Variants in IGSF3 observed in about 807,000 individuals in gnomAD.
IGSF3 encodes glu-Trp-Ile EWI motif-containing protein 3.
IGSF3 carries 23 observed loss-of-function variants against 114.4 expected under a neutral mutation model. The ratio of observed to expected loss-of-function variants is 0.20; its 90% CI spans 0.14 to 0.28. IGSF3 has a LOEUF of 0.28. Among genes scored for constraint, IGSF3 ranks in the 10% least tolerant of loss-of-function variants. IGSF3 has a pLI of 1.00. For synonymous variants in IGSF3, 571 were observed against 645.2 expected, an observed-to-expected ratio of 0.88 and a Z score of 1.74; for missense variants, 1,172 against 1,591.5, an observed-to-expected ratio of 0.74 and a Z score of 4.48.
At chr1:116,640,592 A>T (rs187690808) in intron 2 of IGSF3, among the ~76,000 whole-genome samples, 7 of 152,288 alleles carry the variant, frequency 4.6e-5, no homozygotes, top group African/African-American at 1.7e-4. Context: ...TTTGAGGGTA[A>T]TCCTTGTTGA....
chr1:116,606,432 A>T (rs540598516), intron 5 of IGSF3: 9 of 1,610,982 alleles, frequency 5.6e-6, no homozygotes, highest in Non-Finnish European at 7.6e-6. Flanking sequence ...AAGCGCCATT[A>T]AAATCCAAGG....
intron 4 of IGSF3, among the ~76,000 whole-genome samples, chr1:116,613,544 A>G (rs1360714175): frequency 3.9e-5 from 6 of 152,212 alleles, no homozygotes; most frequent in Non-Finnish European, 7.3e-5. Flanking sequence ...TCTAAGCAGG[A>G]CTCAGTCTGT....
At position 116,631,199 on chromosome 1, in the gene IGSF3, T is replaced by C. The variant is rs547215204; in HGVS notation, c.44-14742A>G. Among the ~76,000 whole-genome samples the C allele has an allele frequency of 2.7e-3, 388 of 144,174 alleles. 2 individuals carry two copies. The highest frequency in any genetic ancestry group is 9.0e-3 in the African/African-American group (363 of 40,354). The allele number at this position is 144,174 out of a possible 152,430, so 94.6% of individuals were successfully genotyped here. On this transcript the variant is annotated intron_variant, in intron 2 of 10. Coordinates refer to ENST00000369486, the MANE Select transcript of IGSF3 (RefSeq NM_001007237.3). Reference sequence around the variant, plus strand: ...CGGGAGCGGTGGCGGGCTCCTGTAGTCCCAGCTACTTGAGAGGCTGAGGCA... The same window carrying C: ...CGGGAGCGGTGGCGGGCTCCTGTAGCCCCAGCTACTTGAGAGGCTGAGGCA...
In IGSF3 at chr1:116,588,569, C is replaced by T. The variant is rs1436401602; in HGVS notation, c.2440+125G>A. 5.8e-6 allele frequency: 5 copies of T among 860,740 alleles called. No homozygotes were observed. The East Asian group carries it at 1.1e-4, about 18-fold the overall frequency. 53.3% of individuals were successfully genotyped at this position (860,740 alleles called of 1,614,324 possible). A position where few individuals can be genotyped will look rare whatever the true frequency, so the allele number is the denominator to read the frequency against. ...GCTAGGGTGATGGTCCGTGTACCTG[C>T]ACCCATACTCAGCATGCACCTTGCA... is the stretch of plus-strand genomic sequence containing the variant. On this transcript the variant is annotated intron_variant, in intron 8 of 10. Coordinates refer to ENST00000369486, the MANE Select transcript of IGSF3 (RefSeq NM_001007237.3). The surrounding 1 kb of genome is among the most constrained non-coding windows in gnomAD (Gnocchi z 4.9).
rs1459585494 is a variant in IGSF3 at position 116,577,869 on chromosome 1, C to T, written c.3335-307G>A. Among the ~76,000 whole-genome samples, 1 of 152,160 alleles carries T rather than the reference C, an allele frequency of 6.6e-6. No homozygotes were observed. Among genetic ancestry groups the T allele is most frequent in the Non-Finnish European group, 1.5e-5 (1 of 68,030 alleles). On this transcript the variant is annotated intron_variant, in intron 10 of 10. Transcript: ENST00000369486. This position sits in a 1 kb window ranked among gnomAD's most constrained non-coding sequence, Gnocchi z 5.7. The stretch of plus-strand genomic sequence containing the variant: ...TTATTGATTGTGAACTCAACTGCAT[C>T]TAGAATGGTGAAGAAGCTGCTCTGG...
chr1:116,599,020 C>A (rs1660459083), intron 7 of IGSF3, among the ~76,000 whole-genome samples: 1 of 152,190 alleles, frequency 6.6e-6, no homozygotes, highest in African/African-American at 2.4e-5. Context: ...AGGGCCCATA[C>A]AACTGGACAG....
Position 116,624,980 on chromosome 1 carries a change from A to G in IGSF3, c.44-8523T>C, listed in dbSNP as rs898601092. ...CAAGCCTCCACTGTGAGCTGCCCCC[A>G]GCCTTGGAACTTCCAGCCATGCCTG... On this transcript the variant is annotated intron_variant, in intron 2 of 10. Coordinates refer to ENST00000369486, the MANE Select transcript of IGSF3 (RefSeq NM_001007237.3). The surrounding 1 kb of genome is among the most constrained non-coding windows in gnomAD (Gnocchi z 4.9). 1.3e-5 allele frequency among the ~76,000 whole-genome samples: 2 copies of G among 152,230 alleles called. No homozygotes were observed. The highest frequency in any genetic ancestry group is 4.8e-5 in the African/African-American group (2 of 41,472).
At chr1:116,609,698 T>C (rs980398643) in intron 4 of IGSF3, among the ~76,000 whole-genome samples, 3 of 152,092 alleles carry the variant, frequency 2.0e-5, no homozygotes, top group African/African-American at 7.2e-5. Context: ...AGCTCTGACC[T>C]TGCCTGCCTT....
At position 116,628,027 on chromosome 1, in the gene IGSF3, G is replaced by C. The variant is rs1185536386; in HGVS notation, c.44-11570C>G. 6.6e-6 allele frequency among the ~76,000 whole-genome samples: 1 copy of C among 152,202 alleles called. No homozygotes were observed. The highest frequency in any genetic ancestry group is 2.4e-5 in the African/African-American group (1 of 41,466). Reference sequence around the variant, plus strand: ...GACCCTCTCAGCAGTGGAAGCACTAGCCAATGTGCCATCCTCTTGGATGAT... The same window carrying C: ...GACCCTCTCAGCAGTGGAAGCACTACCCAATGTGCCATCCTCTTGGATGAT... On this transcript the variant is annotated intron_variant, in intron 2 of 10. Transcript: ENST00000369486. This position sits in a 1 kb window ranked among gnomAD's most constrained non-coding sequence, Gnocchi z 4.2.
In IGSF3 at chr1:116,575,389, CTG is replaced by C. The variant is rs962799925; in HGVS notation, c.*1921_*1922del. Reference sequence around the variant, plus strand: ...TATACTTGGGGGAGAAAAGGCAGGTCTGTGTGTCTGTCAGAAAATGGCTGAGC... The same window carrying C: ...TATACTTGGGGGAGAAAAGGCAGGTCTGTGTCTGTCAGAAAATGGCTGAGC... On this transcript the variant is annotated 3_prime_UTR_variant, in exon 11 of 11. Coordinates refer to ENST00000369486, the MANE Select transcript of IGSF3 (RefSeq NM_001007237.3). The surrounding 1 kb of genome is among the most constrained non-coding windows in gnomAD (Gnocchi z 5.6). 4 of 152,696 alleles carry C rather than the reference CTG, an allele frequency of 2.6e-5. No individual in the cohort carries two copies. In the South Asian group the frequency reaches 6.2e-4, roughly 24 times the overall value. 9.5% of individuals were successfully genotyped at this position (152,696 alleles called of 1,614,324 possible).
At chr1:116,611,115 G>A (rs1661003526) in intron 4 of IGSF3, among the ~76,000 whole-genome samples, 1 of 152,034 alleles carries the variant, frequency 6.6e-6, no homozygotes, top group Admixed American at 6.5e-5. Flanking sequence ...TTTCTACCTG[G>A]TCTCTTGGCT....
chr1:116,665,205 C>T lies in IGSF3; in HGVS notation c.43+1079G>A, dbSNP rs1649280479. ...CTAAAGTCCATTCTCTTCCCACACA[C>T]CTGTTACCTACTGCAAGGGTGTAGA... On this transcript the variant is annotated intron_variant, in intron 2 of 10. Coordinates refer to ENST00000369486, the MANE Select transcript of IGSF3 (RefSeq NM_001007237.3). This position sits in a 1 kb window ranked among gnomAD's most constrained non-coding sequence, Gnocchi z 4.0. 6.6e-6 allele frequency among the ~76,000 whole-genome samples: 1 copy of T among 152,202 alleles called. No homozygotes were observed. Among genetic ancestry groups the T allele is most frequent in the Non-Finnish European group, 1.5e-5 (1 of 68,038 alleles).
Position 116,589,189 on chromosome 1 carries a change from T to C in IGSF3, c.2030-85A>G. The C allele has an allele frequency of 9.6e-6, 12 of 1,253,630 alleles. No homozygotes were observed. Among genetic ancestry groups the C allele is most frequent in the Non-Finnish European group, 1.4e-5 (12 of 883,336 alleles). 77.7% of individuals were successfully genotyped at this position (1,253,630 alleles called of 1,614,324 possible). On this transcript the variant is annotated intron_variant, in intron 7 of 10. Coordinates refer to ENST00000369486, the MANE Select transcript of IGSF3 (RefSeq NM_001007237.3). The surrounding 1 kb of genome is among the most constrained non-coding windows in gnomAD (Gnocchi z 5.7). ...CCTCCAGGCTCTGAGCCAGGTTTCC[T>C]CCAGCACAGTTCCTGGGGGATTTAA...
intron 9 of IGSF3, among the ~76,000 whole-genome samples, chr1:116,580,592 A>G (rs1458867622): frequency 6.6e-6 from 1 of 152,280 alleles, no homozygotes; most frequent in Non-Finnish European, 1.5e-5. Flanking sequence ...ATTCAAGGAC[A>G]CAGCAAGAAG....
At position 116,588,545 on chromosome 1, in the gene IGSF3, C is replaced by T. The variant is rs1659949053; in HGVS notation, c.2440+149G>A. 7.0e-6 allele frequency: 5 copies of T among 715,670 alleles called. No homozygotes were observed. Among genetic ancestry groups the T allele is most frequent in the Non-Finnish European group, 1.2e-5 (5 of 431,594 alleles). The allele number at this position is 715,670 out of a possible 1,614,324, so 44.3% of individuals were successfully genotyped here. A position where few individuals can be genotyped will look rare whatever the true frequency, so the allele number is the denominator to read the frequency against. ...GTAAAATGGATGGGATTGCAGTGTG[C>T]TAGGGTGATGGTCCGTGTACCTGCA... On this transcript the variant is annotated intron_variant, in intron 8 of 10. Transcript: ENST00000369486. This position sits in a 1 kb window ranked among gnomAD's most constrained non-coding sequence, Gnocchi z 4.9.
In IGSF3 at chr1:116,594,292, C is replaced by T. The variant is rs1660248014; in HGVS notation, c.2030-5188G>A. 1.3e-5 allele frequency among the ~76,000 whole-genome samples: 2 copies of T among 152,142 alleles called. No homozygotes were observed. The highest frequency in any genetic ancestry group is 4.8e-5 in the African/African-American group (2 of 41,406). ...TATGAACTACTTTTTTTAAAAAAAACTTTCTTTATCCCACAACTAGGACAA... is the reference window on the plus strand; with the variant it reads ...TATGAACTACTTTTTTTAAAAAAAATTTTCTTTATCCCACAACTAGGACAA... On this transcript the variant is annotated intron_variant, in intron 7 of 10. Transcript: ENST00000369486. The surrounding 1 kb of genome is among the most constrained non-coding windows in gnomAD (Gnocchi z 5.2).
intron 5 of IGSF3, chr1:116,606,680 T>A (rs553979466): frequency 1.6e-6 from 1 of 615,856 alleles, no homozygotes; most frequent in Non-Finnish European, 2.9e-6. Flanking sequence ...TAGAAAACAA[T>A]GAGGAATTAG....
Position 116,613,746 on chromosome 1 carries a change from G to A in IGSF3, c.832+19C>T. 6.2e-7 allele frequency: 1 copy of A among 1,606,326 alleles called. No homozygotes were observed. Among genetic ancestry groups the A allele is most frequent in the Non-Finnish European group, 8.5e-7 (1 of 1,173,708 alleles). On this transcript the variant is annotated intron_variant, in intron 4 of 10. Coordinates refer to ENST00000369486, the MANE Select transcript of IGSF3 (RefSeq NM_001007237.3). ...CACCACCAAGTAAAGGACAGGACAA[G>A]AGGCTCAGAGGGACTGACCAGTTGG...
rs1006144195 is a variant in IGSF3, at chr1:116,583,973, G to A, written c.2848+672C>T. 2.6e-5 allele frequency among the ~76,000 whole-genome samples: 4 copies of A among 152,124 alleles called. No homozygotes were observed. The highest frequency in any genetic ancestry group is 7.2e-5 in the African/African-American group (3 of 41,418). ...AAGCCGAGGCGGTGGTGGGGGTCAC[G>A]AGGTCAGGAGATCGAGACCAGCTTG... is the stretch of plus-strand genomic sequence containing the variant. On this transcript the variant is annotated intron_variant, in intron 9 of 10. Transcript: ENST00000369486. The surrounding 1 kb of genome is among the most constrained non-coding windows in gnomAD (Gnocchi z 4.5).
Sources: gnomAD v4.1 joint callset for allele counts (sites outside exome capture counted in the v4.1 genomes callset) on GRCh38, gnomAD v4.1.1 for gene constraint, Gnocchi (gnomAD v3.1) non-coding constraint, MANE v1.5 for transcripts, NCBI Gene and HGNC (gene_info 2026-07-23, HGNC 2026-07-21) for gene names.